Variants in ECHS1 observed in about 807,000 individuals in gnomAD.
ECHS1 encodes enoyl-CoA hydratase, mitochondrial.
A neutral mutation model predicts 33.5 loss-of-function variants in ECHS1; 19 were observed. That is an observed-to-expected ratio of 0.57 (90% CI 0.40 to 0.83). The LOEUF (loss-of-function observed/expected upper bound fraction) is 0.83. ECHS1 is among the 40% of genes least tolerant of loss of function. The pLI is 0.00. For synonymous variants in ECHS1, 158 were observed against 146.6 expected, an observed-to-expected ratio of 1.08 and a Z score of -0.56; for missense variants, 365 against 381.3, an observed-to-expected ratio of 0.96 and a Z score of 0.36.
Position 133,362,700 on chromosome 10 carries a change from C to T in ECHS1, c.*168G>A, listed in dbSNP as rs745319690. ...GTCAGGACCCTCACAGGCTGGGTGA[C>T]GAAGGCTGTCATGCCGTGAGAGGTC... On this transcript the variant is annotated 3_prime_UTR_variant, in exon 8 of 8. Coordinates refer to ENST00000368547, the MANE Select transcript of ECHS1 (RefSeq NM_004092.4). The T allele has an allele frequency of 2.8e-5, 20 of 707,802 alleles. No homozygotes were observed. The highest frequency in any genetic ancestry group is 1.2e-4 in the South Asian group (7 of 59,110). 43.8% of individuals were successfully genotyped at this position (707,802 alleles called of 1,614,324 possible). A position where few individuals can be genotyped will look rare whatever the true frequency, so the allele number is the denominator to read the frequency against.
chr10:133,364,607 C>A, intron 7 of ECHS1, 51 bp downstream of exon 7: 1 of 1,408,090 alleles, frequency 7.1e-7, no homozygotes, highest in Non-Finnish European at 1.0e-6. Context: ...TTCCCAGCAA[C>A]TTGTGTGACT....
chr10:133,371,104 C>T (rs774339297), intron 1 of ECHS1, among the ~76,000 whole-genome samples: 8 of 152,114 alleles, frequency 5.3e-5, no homozygotes, highest in Admixed American at 2.0e-4. Flanking sequence ...GGTGAAACGC[C>T]GTCTCTACCT....
intron 1 of ECHS1, 23 bp downstream of exon 1, chr10:133,373,223 G>A (rs1469014661): frequency 2.1e-6 from 3 of 1,408,174 alleles, no homozygotes; most frequent in South Asian, 3.1e-5. Flanking sequence ...GATTCGGGCC[G>A]CCAGCTCTCA....
intron 3 of ECHS1, among the ~76,000 whole-genome samples, chr10:133,369,266 C>T (rs1199340538): frequency 2.0e-5 from 3 of 152,144 alleles, no homozygotes; most frequent in South Asian, 2.1e-4. Flanking sequence ...GCTGCCACGA[C>T]TCAACTCTGC....
chr10:133,364,956 G>A (rs944156242), intron 6 of ECHS1, among the ~76,000 whole-genome samples: 31 of 152,292 alleles, frequency 2.0e-4, no homozygotes, highest in African/African-American at 3.9e-4. Context: ...GGTAGCCCAC[G>A]GCCCCAAGAA....
At chr10:133,367,102 AG>A in intron 4 of ECHS1, 109 bp from the exon 5 acceptor site, 2 of 864,940 alleles carry the variant, frequency 2.3e-6, no homozygotes, top group Non-Finnish European at 3.7e-6. Context: ...CCCTGAGACT[AG>A]GTCCAGGGGT....
chr10:133,368,729 G>A (rs978673123), intron 4 of ECHS1, among the ~76,000 whole-genome samples, 194 bp downstream of exon 4: 3 of 152,128 alleles, frequency 2.0e-5, no homozygotes, highest in African/African-American at 7.2e-5. Flanking sequence ...TCACAGTCCC[G>A]GGACTCTAAG....
intron 5 of ECHS1, 54 bp downstream of exon 5, chr10:133,366,835 G>T: frequency 7.0e-7 from 1 of 1,435,768 alleles, no homozygotes; most frequent in Non-Finnish European, 9.7e-7. Flanking sequence ...GGGTTTCTGT[G>T]GGGCTCCCAC....
In ECHS1 at chr10:133,362,639, C is replaced by T; in HGVS notation, c.*229G>A. The T allele has an allele frequency of 3.5e-6, 2 of 576,752 alleles. No individual in the cohort carries two copies. Among genetic ancestry groups the T allele is most frequent in the East Asian group, 5.9e-5 (2 of 33,664 alleles). 35.7% of individuals were successfully genotyped at this position (576,752 alleles called of 1,614,324 possible). A position where few individuals can be genotyped will look rare whatever the true frequency, so the allele number is the denominator to read the frequency against. ...GCATGCCCAGAGGGACCAGCGGGGG[C>T]TCCTCAGCAGAATCTTAGATTTAGA... On this transcript the variant is annotated 3_prime_UTR_variant, in exon 8 of 8. Coordinates refer to ENST00000368547, the MANE Select transcript of ECHS1 (RefSeq NM_004092.4).
intron 5 of ECHS1, 48 bp downstream of exon 5, chr10:133,366,841 C>T (rs779629732): frequency 6.7e-7 from 1 of 1,482,612 alleles, no homozygotes; most frequent in Non-Finnish European, 9.3e-7. Context: ...CTGTGGGGCT[C>T]CCACCCCGGG....
intron 5 of ECHS1, among the ~76,000 whole-genome samples, chr10:133,366,681 A>T (rs144031547): frequency 9.3e-5 from 12 of 129,372 alleles, no homozygotes; most frequent in Non-Finnish European, 1.4e-4. Flanking sequence ...ACCTGGATGC[A>T]GCTCTGGGTT....
intron 6 of ECHS1, among the ~76,000 whole-genome samples, chr10:133,365,774 G>C (rs1225090057): frequency 1.3e-5 from 2 of 152,214 alleles, no homozygotes; most frequent in Non-Finnish European, 2.9e-5. Flanking sequence ...TGGTACAAAG[G>C]GGAGCTGGGA....
At chr10:133,370,149 G>C (rs1849084522) in intron 2 of ECHS1, 118 bp from the exon 3 acceptor site, 3 of 1,423,592 alleles carry the variant, frequency 2.1e-6, no homozygotes, top group Admixed American at 2.3e-5. Flanking sequence ...GGGGTTGCTG[G>C]GCACGGCTGA....
At chr10:133,364,027 T>C (rs4838730) in intron 7 of ECHS1, among the ~76,000 whole-genome samples, 141,559 of 151,816 alleles carry the variant, frequency 0.93, 66,718 homozygotes, top group Non-Finnish European at 1. Flanking sequence ...CTCACTGTAA[T>C]CTCCGCCTCT....
rs751306953 is a variant in ECHS1, at chr10:133,370,724, C to CT, written c.121dup (p.Arg41LysfsTer5). The CT allele has an allele frequency of 5.0e-6, 8 of 1,612,448 alleles. No homozygotes were observed. In the African/African-American group the frequency reaches 8.0e-5, roughly 16 times the overall value. ...CAACCCCACGGTGTTATTCTTCCCT[C>CT]TTTTTTCTGCGATGATGTACTCAAA... On this transcript the variant is annotated frameshift_variant, in exon 2 of 8. Coordinates refer to ENST00000368547, the MANE Select transcript of ECHS1 (RefSeq NM_004092.4). LOFTEE classifies it high-confidence loss of function.
At position 133,366,902 on chromosome 10, in the gene ECHS1, G is replaced by A. The variant is rs2230262; in HGVS notation, c.606C>T (p.Asp202=). 1.4e-4 allele frequency: 219 copies of A among 1,611,590 alleles called. No individual in the cohort carries two copies. The African/African-American group carries it at 2.2e-3, about 16-fold the overall frequency. ...CCCAACCCATACCTGCTTGCTTGGC[G>A]TCCTGGGCTGAGATCCGGTCACCAG... ...VLTGDRISAQ[D]AKQAGLVSKI... Residue 202 remains aspartate, a synonymous_variant, in exon 5 of 8, where the codon GAC becomes GAT. Transcript: ENST00000368547.
chr10:133,364,762 T>C (rs1245402016), intron 6 of ECHS1, 37 bp from the exon 7 acceptor site: 5 of 1,555,302 alleles, frequency 3.2e-6, no homozygotes, highest in Non-Finnish European at 4.4e-6. Flanking sequence ...AACGGAGATA[T>C]TACATGCAGA....
At chr10:133,363,148 G>C (rs183520869) in intron 7 of ECHS1, among the ~76,000 whole-genome samples, 1 of 152,314 alleles carries the variant, frequency 6.6e-6, no homozygotes, top group South Asian at 2.1e-4. Flanking sequence ...TCTAGGTGAC[G>C]GTCATTCAGG....
chr10:133,362,732 C>G lies in ECHS1; in HGVS notation c.*136G>C, dbSNP rs373661920. 2.0e-6 allele frequency: 2 copies of G among 1,005,836 alleles called. No homozygotes were observed. The highest frequency in any genetic ancestry group is 3.2e-5 in the African/African-American group (2 of 63,072). The allele number at this position is 1,005,836 out of a possible 1,614,324, so 62.3% of individuals were successfully genotyped here. A position where few individuals can be genotyped will look rare whatever the true frequency, so the allele number is the denominator to read the frequency against. On this transcript the variant is annotated 3_prime_UTR_variant, in exon 8 of 8. Transcript: ENST00000368547. ...TGTCATGCCGTGAGAGGTCGGGCCA[C>G]GACCACGCAGCAATTGGAGAGGAAC...
Sources: allele counts gnomAD v4.1 joint callset (sites outside exome capture counted in the v4.1 genomes callset), GRCh38; gene constraint gnomAD v4.1.1; transcripts MANE v1.5; gene names NCBI Gene and HGNC (gene_info 2026-07-23, HGNC 2026-07-21).